Variants in NR2C1 observed in about 807,000 individuals in gnomAD.
NR2C1 encodes the protein TR2 nuclear hormone receptor.
A neutral mutation model predicts 74.8 loss-of-function variants in NR2C1; 33 were observed. That is an observed-to-expected ratio of 0.44 (90% confidence interval 0.33 to 0.59). The LOEUF is 0.59. NR2C1 is among the 20% of genes least tolerant of loss of function. The probability of loss-of-function intolerance (pLI) is 0.02; values close to 1 mark genes in which losing one functional copy is unlikely to be tolerated. For missense variants in NR2C1, 568 were observed against 715.6 expected, an observed-to-expected ratio of 0.79 and a Z score of 2.35; for synonymous variants, 225 against 240.6, an observed-to-expected ratio of 0.94 and a Z score of 0.60.
rs1270608944 is a variant in NR2C1, at chr12:95,022,368, C to A, written c.1673G>T (p.Arg558Ile). The A allele has an allele frequency of 1.2e-6, 2 of 1,612,832 alleles. No homozygotes were observed. Among genetic ancestry groups the A allele is most frequent in the Admixed American group, 3.3e-5 (2 of 59,774 alleles). The change falls in exon 14 of 14, where the codon AGA (arginine) becomes ATA (isoleucine). Residue 558 changes from arginine (R) to isoleucine (I), a missense_variant. By Grantham distance (97) the Arg-to-Ile change is moderately conservative. This residue lies in a region of NR2C1 where 117 missense variants were observed against 186.7 expected (regional missense o/e 0.63). Transcript: ENST00000333003. Reference protein sequence around the residue: ...SRLLLRLPALRLMNATITEEL... With the variant: ...SRLLLRLPALILMNATITEEL... ...TTCAGTGATGGTAGCATTCATCAGT[C>A]TTAAAGCTGGCAATCTGAGTAGTAG...
At chr12:95,057,174 G>A (rs1357500480) in intron 7 of NR2C1, among the ~76,000 whole-genome samples, 3 of 138,272 alleles carry the variant, frequency 2.2e-5, no homozygotes, top group African/African-American at 8.1e-5. Context: ...GCACTATCTC[G>A]GCTCACTGCA....
At chr12:95,053,778 G>A (rs1276384119) in intron 7 of NR2C1, among the ~76,000 whole-genome samples, 2 of 148,872 alleles carry the variant, frequency 1.3e-5, no homozygotes, top group Non-Finnish European at 3.0e-5. Flanking sequence ...CCACCTCCTG[G>A]GTTCACGCCA....
chr12:95,030,313 G>A (rs1869916304), intron 11 of NR2C1: 3 of 501,868 alleles, frequency 6.0e-6, no homozygotes, highest in Non-Finnish European at 8.8e-6. Context: ...GGGAAAAAAT[G>A]AGCAAAACCA....
At chr12:95,057,496 T>C (rs1289751571) in intron 7 of NR2C1, 57 bp downstream of exon 7, 3 of 1,277,104 alleles carry the variant, frequency 2.3e-6, no homozygotes, top group East Asian at 2.3e-5. Flanking sequence ...AGGAAGTGAT[T>C]AGAAAACATT....
At chr12:95,063,153 GA>G (rs1315034322) in intron 2 of NR2C1, among the ~76,000 whole-genome samples, 2 of 152,186 alleles carry the variant, frequency 1.3e-5, no homozygotes, top group Admixed American at 6.6e-5. Flanking sequence ...ATGCTATGAA[GA>G]AAAACAAGGC....
Position 95,021,197 on chromosome 12 carries a change from C to T in NR2C1, c.*1032G>A, listed in dbSNP as rs977131245. 1.3e-5 allele frequency: 2 copies of T among 151,994 alleles called. No individual in the cohort carries two copies. The highest frequency in any genetic ancestry group is 2.9e-5 in the Non-Finnish European group (2 of 67,970). 9.4% of individuals were successfully genotyped at this position (151,994 alleles called of 1,614,324 possible). ...GTGAAACATTTTGGGCTCAATTAGT[C>T]TTTATTACTTTCTTTCTTTTTACAG... On this transcript the variant is annotated 3_prime_UTR_variant, in exon 14 of 14. Transcript: ENST00000333003.
chr12:95,059,807 G>C (rs1874474999), intron 4 of NR2C1, 99 bp downstream of exon 4: 2 of 775,502 alleles, frequency 2.6e-6, no homozygotes, highest in Non-Finnish European at 4.0e-6. Flanking sequence ...CTTACTTTTA[G>C]TAGAAGAAAC....
At chr12:95,031,299 A>T in intron 11 of NR2C1, 50 bp downstream of exon 11, 1 of 1,448,386 alleles carries the variant, frequency 6.9e-7, no homozygotes. Flanking sequence ...ATTTAATGAA[A>T]CTCATGCCTC....
chr12:95,056,485 C>T (rs913379065), intron 7 of NR2C1, among the ~76,000 whole-genome samples: 1 of 152,146 alleles, frequency 6.6e-6, no homozygotes, highest in Non-Finnish European at 1.5e-5. Context: ...AACTGGATGA[C>T]TTGGATACAT....
At chr12:95,047,639 T>G (rs1872475453) in intron 9 of NR2C1, among the ~76,000 whole-genome samples, 1 of 152,228 alleles carries the variant, frequency 6.6e-6, no homozygotes, top group African/African-American at 2.4e-5. Flanking sequence ...AGTAAAAGTA[T>G]GAGCAGTCAC....
rs960046518 is a variant in NR2C1 at position 95,058,802 on chromosome 12, AT to A, written c.365-314del. 1.1e-3 allele frequency among the ~76,000 whole-genome samples: 167 copies of A among 150,508 alleles called. 4 individuals carry two copies. Among genetic ancestry groups the A allele is most frequent in the African/African-American group, 3.5e-3 (143 of 41,070 alleles). ...ACCACACCCGACCAGTTTTATTATT[AT>A]TTTTTTTTGTAGAGGCAGTCTTGCC... On this transcript the variant is annotated intron_variant, in intron 4 of 13. Coordinates refer to ENST00000333003, the MANE Select transcript of NR2C1 (RefSeq NM_003297.4).
chr12:95,053,481 T>C (rs1031707114), intron 7 of NR2C1, among the ~76,000 whole-genome samples: 2 of 152,104 alleles, frequency 1.3e-5, no homozygotes, highest in Non-Finnish European at 2.9e-5. Flanking sequence ...TTTCTAATTA[T>C]GATACATGAG....
chr12:95,064,819 C>T lies in NR2C1; in HGVS notation c.55-2081G>A, dbSNP rs181610021. Among the ~76,000 whole-genome samples, 895 of 152,254 alleles carry T rather than the reference C, an allele frequency of 5.9e-3. 3 individuals are homozygous for T. Among genetic ancestry groups the T allele is most frequent in the African/African-American group, 0.02 (834 of 41,544 alleles). ...ATTTTCCAAAATTCCAATCCTGTTC[C>T]TTCTGTACCAAATTTTTTCTATTTT... On this transcript the variant is annotated intron_variant, in intron 2 of 13. Coordinates refer to ENST00000333003, the MANE Select transcript of NR2C1 (RefSeq NM_003297.4).
intron 9 of NR2C1, among the ~76,000 whole-genome samples, chr12:95,042,089 C>T (rs976680004): frequency 1.3e-5 from 2 of 151,916 alleles, no homozygotes; most frequent in Non-Finnish European, 1.5e-5. Context: ...TATATGTATA[C>T]CTAAAAAGTA....
At chr12:95,072,254 C>T (rs1876758282) in intron 1 of NR2C1, among the ~76,000 whole-genome samples, 1 of 149,308 alleles carries the variant, frequency 6.7e-6, no homozygotes, top group South Asian at 2.1e-4. Context: ...TAGTGAAACC[C>T]CACCTCTACT....
chr12:95,027,796 A>G (rs571864389), intron 12 of NR2C1, among the ~76,000 whole-genome samples: 20 of 152,286 alleles, frequency 1.3e-4, no homozygotes, highest in Non-Finnish European at 2.5e-4. Context: ...TTGTACAACT[A>G]TCACTACAAT....
intron 13 of NR2C1, 136 bp from the exon 14 acceptor site, chr12:95,022,539 A>G: frequency 1.4e-6 from 1 of 737,878 alleles, no homozygotes. Context: ...TCAAAACTTT[A>G]GTATTCTCAA....
At chr12:95,042,314 A>C (rs1871650777) in intron 9 of NR2C1, among the ~76,000 whole-genome samples, 1 of 150,078 alleles carries the variant, frequency 6.7e-6, no homozygotes, top group Non-Finnish European at 1.5e-5. Flanking sequence ...GGTTCAAATG[A>C]ATGTCCTTCC....
chr12:95,046,804 T>A (rs909027589), intron 9 of NR2C1, among the ~76,000 whole-genome samples: 2 of 152,056 alleles, frequency 1.3e-5, no homozygotes, highest in Non-Finnish European at 2.9e-5. Flanking sequence ...GTGAGAACCA[T>A]GAAATTACCA....
Sources: allele counts gnomAD v4.1 joint callset (sites outside exome capture counted in the v4.1 genomes callset), GRCh38; gene constraint gnomAD v4.1.1; regional missense constraint gnomAD v4.1.1; transcripts MANE v1.5; gene names NCBI Gene and HGNC (gene_info 2026-07-23, HGNC 2026-07-21).